The following CD82 variants were observed in gnomAD, a reference collection of about 807,000 sequenced individuals.
The protein encoded by CD82 is CD82 molecule.
In CD82, 36 loss-of-function variants were observed where a neutral mutation model predicts 37.4. The ratio of observed to expected loss-of-function variants is 0.96; its 90% CI spans 0.74 to 1.27. The LOEUF (loss-of-function observed/expected upper bound fraction) is 1.27, where lower values mean the gene tolerates loss of function less well. CD82 is among the 50% of genes most tolerant of loss of function. The pLI is 0.00. For synonymous variants in CD82, 158 were observed against 137.4 expected (o/e 1.15, Z -1.05); for missense variants, 340 against 347.0 (o/e 0.98, Z 0.16).
rs190507273 is a variant in CD82, at chr11:44,568,182, C to T, written c.-103+2446C>T. Among the ~76,000 whole-genome samples, 330 of 152,036 alleles carry T rather than the reference C, an allele frequency of 2.2e-3. 1 individual carries two copies. Among genetic ancestry groups the T allele is most frequent in the African/African-American group, 7.4e-3 (306 of 41,442 alleles). Reference sequence around the variant, plus strand: ...AGATGTGCTGGGGTGGAGGATCCAGCGGTCAAGGGATAATGAACCAATGGC... The same window carrying T: ...AGATGTGCTGGGGTGGAGGATCCAGTGGTCAAGGGATAATGAACCAATGGC... On this transcript the variant is annotated intron_variant, in intron 1 of 9. Transcript: ENST00000227155.
At chr11:44,581,897 A>G (rs1852984875) in intron 1 of CD82, among the ~76,000 whole-genome samples, 1 of 151,938 alleles carries the variant, frequency 6.6e-6, no homozygotes, top group African/African-American at 2.4e-5. Flanking sequence ...GTGGAGGGAG[A>G]GAATTCTGAA....
intron 1 of CD82, among the ~76,000 whole-genome samples, chr11:44,568,952 C>T (rs1000218887): frequency 1.8e-4 from 27 of 152,372 alleles, no homozygotes; most frequent in African/African-American, 6.5e-4. Context: ...TGCTCCAAAC[C>T]GTTATACCCA....
intron 2 of CD82, among the ~76,000 whole-genome samples, chr11:44,589,112 CGG>C (rs1853102883): frequency 6.6e-6 from 1 of 152,064 alleles, no homozygotes; most frequent in Non-Finnish European, 1.5e-5. Context: ...AAAAGTTAGC[CGG>C]GCATGATGGC....
At chr11:44,575,314 T>C (rs1852874960) in intron 1 of CD82, among the ~76,000 whole-genome samples, 1 of 152,200 alleles carries the variant, frequency 6.6e-6, no homozygotes, top group Non-Finnish European at 1.5e-5. Flanking sequence ...AATCATGGGC[T>C]CTCTTTACTA....
Position 44,619,182 on chromosome 11 carries a change from T to A in CD82, c.*56T>A. The A allele has an allele frequency of 2.9e-6, 4 of 1,356,164 alleles. No homozygotes were observed. The highest frequency in any genetic ancestry group is 1.4e-5 in the African/African-American group (1 of 69,884). The allele number at this position is 1,356,164 out of a possible 1,614,324, so 84.0% of individuals were successfully genotyped here. ...CCCCCAACCTCAGGGCTCCCAGGGG[T>A]CTCCCTGGCTCCCTCCTCCAGGCCT... On this transcript the variant is annotated 3_prime_UTR_variant, in exon 10 of 10. Coordinates refer to ENST00000227155, the MANE Select transcript of CD82 (RefSeq NM_002231.4).
chr11:44,604,936 G>A (rs1590344607), intron 4 of CD82, 122 bp from the exon 5 acceptor site: 1 of 1,373,362 alleles, frequency 7.3e-7, no homozygotes, highest in East Asian at 2.3e-5. Flanking sequence ...AAGCCAGCAG[G>A]GGAATGCAGC....
At chr11:44,594,509 G>A in intron 2 of CD82, 134 bp from the exon 3 acceptor site, 1 of 638,692 alleles carries the variant, frequency 1.6e-6, no homozygotes, top group Non-Finnish European at 2.9e-6. Flanking sequence ...GTGTGGCTTT[G>A]GGCTAGTTGT....
At chr11:44,575,813 G>T (rs1428403244) in intron 1 of CD82, among the ~76,000 whole-genome samples, 1 of 152,172 alleles carries the variant, frequency 6.6e-6, no homozygotes, top group Non-Finnish European at 1.5e-5. Context: ...TTCTGTGCAG[G>T]AGGACAAGAG....
chr11:44,584,110 C>T (rs1300300853), intron 1 of CD82, among the ~76,000 whole-genome samples: 1 of 152,076 alleles, frequency 6.6e-6, no homozygotes, highest in Non-Finnish European at 1.5e-5. Context: ...CTGACAGTGA[C>T]CCCAAAGCTC....
At chr11:44,601,162 G>C (rs1027761343) in intron 4 of CD82, among the ~76,000 whole-genome samples, 1 of 152,116 alleles carries the variant, frequency 6.6e-6, no homozygotes, top group Non-Finnish European at 1.5e-5. Flanking sequence ...CGCTGAGTTT[G>C]GCCTTGGCTC....
intron 2 of CD82, among the ~76,000 whole-genome samples, chr11:44,592,141 C>T (rs1565086570): frequency 2.6e-5 from 4 of 152,138 alleles, no homozygotes; most frequent in African/African-American, 7.2e-5. Flanking sequence ...TTTCTAAAAG[C>T]TGCCCTTTGC....
chr11:44,584,683 G>C (rs1213214249), intron 1 of CD82, among the ~76,000 whole-genome samples: 1 of 151,820 alleles, frequency 6.6e-6, no homozygotes, highest in Admixed American at 6.5e-5. Context: ...TTTTTTTCTG[G>C]TGGGTGGGGG....
chr11:44,597,777 G>T lies in CD82; in HGVS notation c.64-2381G>T, dbSNP rs1853250067. 6.6e-6 allele frequency among the ~76,000 whole-genome samples: 1 copy of T among 152,234 alleles called. No individual in the cohort carries two copies. The highest frequency in any genetic ancestry group is 1.5e-5 in the Non-Finnish European group (1 of 68,048). ...GCCCACATGGGTCTGAGATGCAGAG[G>T]GAGCAGACGTGGGCCTGAGCACTGG... On this transcript the variant is annotated intron_variant, in intron 3 of 9. Transcript: ENST00000227155. This position sits in a 1 kb window ranked among gnomAD's most constrained non-coding sequence, Gnocchi z 4.1.
intron 1 of CD82, among the ~76,000 whole-genome samples, chr11:44,576,976 C>A (rs1333577947): frequency 6.6e-6 from 1 of 152,138 alleles, no homozygotes; most frequent in African/African-American, 2.4e-5. Context: ...AGAACTCTTT[C>A]TCTCTATTCT....
chr11:44,616,499 C>T (rs1853566446), intron 7 of CD82, among the ~76,000 whole-genome samples: 1 of 152,134 alleles, frequency 6.6e-6, no homozygotes, highest in Admixed American at 6.5e-5. Context: ...AAGCATCCTA[C>T]CCTGGAAAGT....
At chr11:44,569,298 G>A (rs1267380344) in intron 1 of CD82, among the ~76,000 whole-genome samples, 1 of 152,164 alleles carries the variant, frequency 6.6e-6, no homozygotes, top group Non-Finnish European at 1.5e-5. Context: ...AACAGGCCCA[G>A]CTGGTGTCTC....
chr11:44,565,278 G>C (rs1001559409), upstream of CD82, among the ~76,000 whole-genome samples: 6 of 152,198 alleles, frequency 3.9e-5, no homozygotes, highest in Admixed American at 2.6e-4. Flanking sequence ...TGAAGGAGGC[G>C]GGGGCGCTGG....
intron 4 of CD82, among the ~76,000 whole-genome samples, chr11:44,601,621 C>T (rs1197599761): frequency 1.3e-5 from 2 of 152,180 alleles, no homozygotes; most frequent in African/African-American, 4.8e-5. Flanking sequence ...GGGGTGAGCC[C>T]ACTGGGTGGG....
chr11:44,580,972 G>A (rs560222251), intron 1 of CD82, among the ~76,000 whole-genome samples: 7 of 152,136 alleles, frequency 4.6e-5, no homozygotes, highest in Non-Finnish European at 8.8e-5. Flanking sequence ...TGGGGTCCCT[G>A]ATTAGAGTCC....
Sources: allele counts gnomAD v4.1 joint callset (sites outside exome capture counted in the v4.1 genomes callset), GRCh38; gene constraint gnomAD v4.1.1; non-coding constraint Gnocchi (gnomAD v3.1); transcripts MANE v1.5; gene names NCBI Gene and HGNC (gene_info 2026-07-23, HGNC 2026-07-21).